The following PTPRF variants were observed in gnomAD, a reference collection of about 807,000 sequenced individuals.
PTPRF encodes receptor-type tyrosine-protein phosphatase F.
A neutral mutation model predicts 201.8 loss-of-function variants in PTPRF; 59 were observed. The observed-to-expected ratio is 0.29, with a 90% CI of 0.24 to 0.36. The LOEUF (loss-of-function observed/expected upper bound fraction) is 0.36. PTPRF is among the 10% of genes least tolerant of loss of function. The pLI, the probability that PTPRF is intolerant of heterozygous loss-of-function variation, is 1.00. For missense variants in PTPRF, 2,132 were observed against 2,690.5 expected, an observed-to-expected ratio of 0.79 and a Z score of 4.59; for synonymous variants, 1,088 against 1,089.7, an observed-to-expected ratio of 1.00 and a Z score of 0.03.
At chr1:43,552,495 G>A (rs1480964000) in intron 3 of PTPRF, among the ~76,000 whole-genome samples, 1 of 152,210 alleles carries the variant, frequency 6.6e-6, no homozygotes, top group African/African-American at 2.4e-5. Context: ...TGTCATCATC[G>A]CACACGTTTC....
chr1:43,545,769 T>A (rs903147517), intron 3 of PTPRF, among the ~76,000 whole-genome samples: 3 of 152,102 alleles, frequency 2.0e-5, no homozygotes, highest in African/African-American at 7.2e-5. Flanking sequence ...AAGATTGTGT[T>A]TGGCCGGCAG....
At chr1:43,569,555 C>T in intron 5 of PTPRF, 35 bp from the exon 6 acceptor site, 1 of 1,550,876 alleles carries the variant, frequency 6.4e-7, no homozygotes, top group Non-Finnish European at 8.7e-7. Context: ...GCAGGCAGAG[C>T]CAGCCCTAAT....
intron 6 of PTPRF, among the ~76,000 whole-genome samples, chr1:43,574,018 CAG>C (rs1646758156): frequency 1.2e-5 from 1 of 83,562 alleles, no homozygotes; most frequent in Admixed American, 1.9e-4. Context: ...TTTTTTGAGA[CAG>C]AGTTTCGCTC....
chr1:43,562,968 G>A (rs372170769), intron 5 of PTPRF, among the ~76,000 whole-genome samples: 7 of 151,372 alleles, frequency 4.6e-5, no homozygotes, highest in African/African-American at 1.2e-4. Flanking sequence ...ACTTGAGGTC[G>A]GGAGTTCGAG....
At chr1:43,576,549 C>T (rs967209196) in intron 6 of PTPRF, among the ~76,000 whole-genome samples, 6 of 152,206 alleles carry the variant, frequency 3.9e-5, no homozygotes, top group East Asian at 1.9e-4. Flanking sequence ...GCTGCCTCCA[C>T]GCAGCAGGGC....
rs1645160921 is a variant in PTPRF at position 43,553,532 on chromosome 1, G to T, written c.132G>T (p.Gly44=). Residue 44 remains glycine (G), a synonymous_variant, in exon 4 of 34, where the codon GGG becomes GGT. Transcript: ENST00000359947. The surrounding 1 kb of genome is among the most constrained non-coding windows in gnomAD (Gnocchi z 4.1). ...TTAAAGTCCCTGAGGACCAGACTGG[G>T]CTGTCAGGAGGGGTAGCCTCCTTCG... is the stretch of plus-strand genomic sequence containing the variant. ...VFIKVPEDQT[G]LSGGVASFVC... is the part of the protein sequence containing the mutation. The T allele has an allele frequency of 6.2e-7, 1 of 1,614,060 alleles. No individual in the cohort carries two copies. The highest frequency in any genetic ancestry group is 8.5e-7 in the Non-Finnish European group (1 of 1,179,924).
intron 28 of PTPRF, 49 bp downstream of exon 28, chr1:43,619,622 G>T: frequency 6.2e-7 from 1 of 1,610,196 alleles, no homozygotes; most frequent in Non-Finnish European, 8.5e-7. Context: ...ACTGGGTCAT[G>T]CAGATGACCC....
intron 23 of PTPRF, among the ~76,000 whole-genome samples, chr1:43,615,969 G>T (rs1160334582): frequency 1.3e-5 from 2 of 152,076 alleles, no homozygotes; most frequent in African/African-American, 4.8e-5. Flanking sequence ...GAACCCAGTC[G>T]TGGGGAGCAT....
intron 12 of PTPRF, chr1:43,598,456 C>G: frequency 1.9e-6 from 1 of 516,946 alleles, no homozygotes; most frequent in African/African-American, 1.9e-5. Context: ...TGCCCCACCT[C>G]CACCTGTTCC....
chr1:43,544,988 A>C, intron 2 of PTPRF, 43 bp from the exon 3 acceptor site: 1 of 1,168,962 alleles, frequency 8.6e-7, no homozygotes. Flanking sequence ...TAGGGACAGC[A>C]GTAAATACCA....
chr1:43,605,031 G>A (rs1175780857), intron 17 of PTPRF, 31 bp downstream of exon 17: 4 of 1,603,330 alleles, frequency 2.5e-6, no homozygotes, highest in African/African-American at 2.7e-5. Flanking sequence ...GCTGAGCCTG[G>A]CACACACACA....
intron 22 of PTPRF, 113 bp downstream of exon 22, chr1:43,609,611 C>G: frequency 1.4e-6 from 1 of 723,170 alleles, no homozygotes; most frequent in Non-Finnish European, 2.3e-6. Flanking sequence ...GCACTTGTTC[C>G]TGCTCCTTTT....
intron 3 of PTPRF, among the ~76,000 whole-genome samples, chr1:43,547,144 T>C (rs1271024968): frequency 3.3e-5 from 5 of 152,116 alleles, no homozygotes; most frequent in African/African-American, 1.2e-4. Flanking sequence ...CCCTGCATTA[T>C]CAAGCTTCTA....
Position 43,549,772 on chromosome 1 carries a change from T to C in PTPRF, c.92-3720T>C, listed in dbSNP as rs180931713. On this transcript the variant is annotated intron_variant, in intron 3 of 33. Transcript: ENST00000359947. ...CGGGAGGCTGAGGTGGGAGGATTGC[T>C]TGAGCCTAGGAGGTGGAGGCGGAGG... is the stretch of plus-strand genomic sequence containing the variant. Among the ~76,000 whole-genome samples the C allele has an allele frequency of 2.0e-3, 301 of 152,002 alleles. 3 individuals are homozygous for C. The highest frequency in any genetic ancestry group is 6.7e-3 in the African/African-American group (279 of 41,460).
chr1:43,532,922 C>G (rs1265302007), intron 1 of PTPRF, among the ~76,000 whole-genome samples: 1 of 152,184 alleles, frequency 6.6e-6, no homozygotes, highest in African/African-American at 2.4e-5. Context: ...TGCCCCCTCT[C>G]GCATACCTGG....
chr1:43,558,655 C>T (rs962342355), intron 5 of PTPRF, among the ~76,000 whole-genome samples: 4 of 152,208 alleles, frequency 2.6e-5, no homozygotes, highest in South Asian at 2.1e-4. Context: ...CTTCTCGCTC[C>T]GCACTCTTGA....
intron 23 of PTPRF, among the ~76,000 whole-genome samples, chr1:43,616,360 G>A (rs976786100): frequency 2.6e-5 from 4 of 151,778 alleles, no homozygotes; most frequent in African/African-American, 7.3e-5. Flanking sequence ...GTGAAGAAGA[G>A]CCACAGAAGG....
intron 23 of PTPRF, among the ~76,000 whole-genome samples, chr1:43,615,546 G>A (rs1657553518): frequency 9.0e-6 from 1 of 111,114 alleles, no homozygotes. Flanking sequence ...CCATAGCTCT[G>A]TTGTCTTTTT....
At chr1:43,535,821 C>A (rs1643963976) in intron 1 of PTPRF, among the ~76,000 whole-genome samples, 1 of 152,226 alleles carries the variant, frequency 6.6e-6, no homozygotes, top group Admixed American at 6.5e-5. Context: ...GTTGCCCAGG[C>A]TGGAGTGTAG....
Sources: gnomAD v4.1 joint callset for allele counts (sites outside exome capture counted in the v4.1 genomes callset) on GRCh38, gnomAD v4.1.1 for gene constraint, Gnocchi (gnomAD v3.1) non-coding constraint, MANE v1.5 for transcripts, NCBI Gene and HGNC (gene_info 2026-07-23, HGNC 2026-07-21) for gene names.